OARD1: variants seen among roughly 807,000 people sequenced by gnomAD.
The protein encoded by OARD1 is ADP-ribose glycohydrolase OARD1.
Under a neutral mutation model 19.7 loss-of-function variants are expected in OARD1, and 19 were observed. That is an observed-to-expected ratio of 0.96 (90% CI 0.67 to 1.41). The LOEUF (loss-of-function observed/expected upper bound fraction) is 1.41. Ranked by LOEUF, OARD1 falls within the 40% of genes most tolerant of loss-of-function variation. The probability of loss-of-function intolerance (pLI) is 0.00; values close to 1 mark genes in which losing one functional copy is unlikely to be tolerated. For synonymous variants in OARD1, 70 were observed against 61.8 expected (o/e 1.13, Z -0.62); for missense variants, 190 against 183.8 (o/e 1.03, Z -0.20).
chr6:41,070,920 T>C (rs1053525558), intron 3 of OARD1: 4 of 612,852 alleles, frequency 6.5e-6, no homozygotes, highest in Non-Finnish European at 1.2e-5. Context: ...TCAAGAAAGT[T>C]TCATGATACA....
intron 1 of OARD1, among the ~76,000 whole-genome samples, chr6:41,086,942 GAGA>G (rs1481853224): frequency 2.0e-5 from 3 of 152,130 alleles, no homozygotes; most frequent in African/African-American, 7.2e-5. Flanking sequence ...TTATGCTATA[GAGA>G]AGGATATTTT....
intron 4 of OARD1, 103 bp downstream of exon 4, chr6:41,069,973 A>C (rs1359955882): frequency 1.2e-6 from 1 of 804,322 alleles, no homozygotes; most frequent in Non-Finnish European, 2.2e-6. Context: ...TCTAGAATAG[A>C]ACATCATGAT....
At chr6:41,082,398 A>G (rs1486754762) in intron 1 of OARD1, among the ~76,000 whole-genome samples, 1 of 152,220 alleles carries the variant, frequency 6.6e-6, no homozygotes, top group African/African-American at 2.4e-5. Context: ...TAGGAATGTA[A>G]CATGCTCTTA....
chr6:41,078,596 G>A (rs1216878638), intron 1 of OARD1, among the ~76,000 whole-genome samples: 1 of 152,158 alleles, frequency 6.6e-6, no homozygotes, highest in Non-Finnish European at 1.5e-5. Flanking sequence ...AAGTCTATGA[G>A]AAGGGTAAAT....
intron 1 of OARD1, among the ~76,000 whole-genome samples, chr6:41,086,764 A>G (rs914907154): frequency 9.2e-5 from 14 of 152,204 alleles, no homozygotes; most frequent in Admixed American, 3.9e-4. Flanking sequence ...AAGTTGGCAT[A>G]TAATAAAAGT....
At chr6:41,068,037 T>C (rs1763113291) in intron 5 of OARD1, among the ~76,000 whole-genome samples, 1 of 152,110 alleles carries the variant, frequency 6.6e-6, no homozygotes, top group Non-Finnish European at 1.5e-5. Flanking sequence ...AGACCTAAAA[T>C]TGGTAATTTC....
intron 1 of OARD1, among the ~76,000 whole-genome samples, chr6:41,087,979 C>G (rs1333171269): frequency 6.6e-6 from 1 of 152,066 alleles, no homozygotes; most frequent in Non-Finnish European, 1.5e-5. Flanking sequence ...ATAGGAGATA[C>G]AAATTAAATC....
At chr6:41,089,517 C>G (rs879095560) in intron 1 of OARD1, 10 of 1,460,476 alleles carry the variant, frequency 6.8e-6, no homozygotes, top group African/African-American at 1.4e-5. Context: ...GGATAACTCT[C>G]GGGGACCAAA....
At chr6:41,087,719 A>G (rs564127759) in intron 1 of OARD1, among the ~76,000 whole-genome samples, 26 of 152,118 alleles carry the variant, frequency 1.7e-4, no homozygotes, top group Non-Finnish European at 3.5e-4. Flanking sequence ...TTGCACTTAA[A>G]AAAAAAAGTG....
chr6:41,077,217 TA>T (rs1265670818), upstream of OARD1, among the ~76,000 whole-genome samples: 21 of 152,212 alleles, frequency 1.4e-4, no homozygotes, highest in African/African-American at 5.1e-4. Flanking sequence ...CCTTATTTTT[TA>T]AAATCAATTT....
upstream of OARD1, among the ~76,000 whole-genome samples, chr6:41,074,486 C>T (rs1763673554): frequency 2.0e-5 from 3 of 152,170 alleles, no homozygotes. Flanking sequence ...AGCTAGCCTC[C>T]GTGAAAGGCT....
chr6:41,075,114 C>T (rs1651330052), upstream of OARD1, among the ~76,000 whole-genome samples: 2 of 152,174 alleles, frequency 1.3e-5, no homozygotes, highest in East Asian at 1.9e-4. Context: ...TTGATTGTCA[C>T]GTTATCCGCA....
chr6:41,093,825 G>A (rs1016142537), intron 1 of OARD1, among the ~76,000 whole-genome samples: 7 of 152,274 alleles, frequency 4.6e-5, no homozygotes, highest in African/African-American at 1.4e-4. Flanking sequence ...TCCACTAGCC[G>A]GAATTTAGTT....
intron 1 of OARD1, among the ~76,000 whole-genome samples, chr6:41,078,349 C>T (rs2114087199): frequency 6.6e-6 from 1 of 152,244 alleles, no homozygotes; most frequent in Non-Finnish European, 1.5e-5. Flanking sequence ...AGTTAGGTCA[C>T]GTCATTTTAT....
At chr6:41,079,784 A>T (rs1004066578) in intron 1 of OARD1, among the ~76,000 whole-genome samples, 2 of 152,212 alleles carry the variant, frequency 1.3e-5, no homozygotes, top group Admixed American at 1.3e-4. Context: ...AGAAGAAAAA[A>T]ATGTATTATG....
At chr6:41,082,148 A>G (rs573689921) in intron 1 of OARD1, among the ~76,000 whole-genome samples, 42 of 152,278 alleles carry the variant, frequency 2.8e-4, no homozygotes, top group African/African-American at 8.7e-4. Context: ...GCAGATAACT[A>G]CCTCTTATTG....
At chr6:41,071,391 T>C in intron 2 of OARD1, 115 bp from the exon 3 acceptor site, 4 of 1,149,966 alleles carry the variant, frequency 3.5e-6, no homozygotes, top group Non-Finnish European at 3.8e-6. Flanking sequence ...CTTCCTCCAA[T>C]CTGATTTAAA....
intron 3 of OARD1, 45 bp downstream of exon 3, chr6:41,071,087 G>A: frequency 6.3e-7 from 1 of 1,589,542 alleles, no homozygotes; most frequent in Non-Finnish European, 8.6e-7. Flanking sequence ...AGATTAAAAG[G>A]TGCTCTAGCC....
chr6:41,079,252 A>G, intron 1 of OARD1: 1 of 1,219,174 alleles, frequency 8.2e-7, no homozygotes, highest in Non-Finnish European at 1.2e-6. Flanking sequence ...CTGGGGAATT[A>G]TTTGAAAGAT....
Sources: allele counts gnomAD v4.1 joint callset (sites outside exome capture counted in the v4.1 genomes callset), GRCh38; gene constraint gnomAD v4.1.1; transcripts MANE v1.5; gene names NCBI Gene and HGNC (gene_info 2026-07-23, HGNC 2026-07-21).